Variants in ERC1 observed in about 807,000 individuals in gnomAD.
The protein encoded by ERC1 is RAB6 interacting protein 2.
A neutral mutation model predicts 132.0 loss-of-function variants in ERC1; 56 were observed. The ratio of observed to expected loss-of-function variants is 0.42; its 90% CI spans 0.34 to 0.53. The LOEUF (loss-of-function observed/expected upper bound fraction) is 0.53, where lower values mean the gene tolerates loss of function less well. Among genes scored for constraint, ERC1 ranks in the 20% least tolerant of loss-of-function variants. The probability of loss-of-function intolerance (pLI) is 0.03; values close to 1 mark genes in which losing one functional copy is unlikely to be tolerated. For synonymous variants in ERC1, 478 were observed against 476.1 expected (o/e 1.00, Z -0.05); for missense variants, 1,202 against 1,349.9 (o/e 0.89, Z 1.72).
intron 13 of ERC1, among the ~76,000 whole-genome samples, chr12:1,258,391 G>A (rs1479020307): frequency 6.6e-6 from 1 of 152,222 alleles, no homozygotes; most frequent in Non-Finnish European, 1.5e-5. Context: ...TGTAAAGCAT[G>A]TATTCCAAGC....
At chr12:1,211,785 G>T (rs1957902742) in intron 12 of ERC1, among the ~76,000 whole-genome samples, 1 of 151,282 alleles carries the variant, frequency 6.6e-6, no homozygotes, top group South Asian at 2.1e-4. Context: ...GGCCAGGCTG[G>T]TCTTAAACTC....
rs149021390 is a variant in ERC1 at position 1,169,668 on chromosome 12, C to T, written c.1738-10872C>T. On this transcript the variant is annotated intron_variant, in intron 8 of 18. Transcript: ENST00000360905. ...TTTCAACCCATAAAAGTAGACCTGG[C>T]GAAAATAAAAATTCAATGAGATGAA... 1.4e-3 allele frequency among the ~76,000 whole-genome samples: 216 copies of T among 152,024 alleles called. 3 individuals carry two copies. The highest frequency in any genetic ancestry group is 4.9e-3 in the African/African-American group (202 of 41,478).
chr12:1,069,777 T>TA (rs1352466711), intron 2 of ERC1, among the ~76,000 whole-genome samples: 1 of 152,176 alleles, frequency 6.6e-6, no homozygotes, highest in Non-Finnish European at 1.5e-5. Context: ...ATATTCATAT[T>TA]AAGTGGGATA....
intron 8 of ERC1, among the ~76,000 whole-genome samples, chr12:1,154,173 C>CTT (rs957822151): frequency 6.7e-6 from 1 of 148,766 alleles, no homozygotes; most frequent in Non-Finnish European, 1.5e-5. Context: ...TGATTTCATT[C>CTT]TTTTTTTCAT....
intron 15 of ERC1, among the ~76,000 whole-genome samples, chr12:1,336,081 TTG>T (rs2083287830): frequency 6.6e-6 from 1 of 152,224 alleles, no homozygotes; most frequent in African/African-American, 2.4e-5. Context: ...TAGTGGTTGT[TTG>T]TATTTCTGTG....
intron 3 of ERC1, among the ~76,000 whole-genome samples, chr12:1,094,847 A>G (rs1384749966): frequency 6.6e-6 from 1 of 152,210 alleles, no homozygotes. Context: ...AAGTTAAGAT[A>G]CGAAAAAGTG....
intron 12 of ERC1, among the ~76,000 whole-genome samples, chr12:1,236,106 G>A (rs1190957433): frequency 6.6e-6 from 1 of 151,866 alleles, no homozygotes; most frequent in African/African-American, 2.4e-5. Context: ...TCAAAAACAT[G>A]TAAACTATAA....
At chr12:1,021,521 A>AACCC (rs1322660535) in intron 1 of ERC1, among the ~76,000 whole-genome samples, 2 of 151,132 alleles carry the variant, frequency 1.3e-5, no homozygotes, top group Admixed American at 1.3e-4. Flanking sequence ...AACATGGTGA[A>AACCC]ACCCCGTATC....
chr12:1,477,365 T>C (rs972149047), intron 18 of ERC1, among the ~76,000 whole-genome samples: 1 of 152,140 alleles, frequency 6.6e-6, no homozygotes, highest in Admixed American at 6.5e-5. Flanking sequence ...AAGCTAAAGG[T>C]AAACACATTT....
chr12:1,351,501 G>C (rs2084991308), intron 15 of ERC1, among the ~76,000 whole-genome samples: 1 of 152,074 alleles, frequency 6.6e-6, no homozygotes, highest in Non-Finnish European at 1.5e-5. Context: ...TGTCCATTGT[G>C]GTAAGTGTGT....
At chr12:1,311,618 A>T (rs1309431693) in intron 15 of ERC1, among the ~76,000 whole-genome samples, 1 of 152,166 alleles carries the variant, frequency 6.6e-6, no homozygotes, top group Non-Finnish European at 1.5e-5. Context: ...GTGAAGTGGT[A>T]ATAGTTTTTC....
upstream of ERC1, chr12:990,149 G>T (rs1046876823): frequency 6.6e-6 from 1 of 152,168 alleles, no homozygotes; most frequent in Admixed American, 6.5e-5. Context: ...GGATTATGAG[G>T]CAGTATAAAG....
chr12:1,319,332 CTGTT>C (rs2081968121), intron 15 of ERC1, among the ~76,000 whole-genome samples: 3 of 152,238 alleles, frequency 2.0e-5, no homozygotes, highest in Non-Finnish European at 2.9e-5. Context: ...GTATTTACCT[CTGTT>C]TGTTAGCTTT....
At position 1,083,173 on chromosome 12, in the gene ERC1, A is replaced by G. The variant is rs1942479623; in HGVS notation, c.679A>G (p.Met227Val). The change falls in exon 3 of 19, where the codon ATG becomes GTG. Residue 227 changes from methionine (M) to valine (V), a missense_variant. By Grantham distance (21) the Met-to-Val change is conservative. Transcript: ENST00000360905. ...VVQEENQHMQMTIQALQDELR... is the reference protein window; with the variant it reads ...VVQEENQHMQVTIQALQDELR... Reference sequence around the variant, plus strand: ...TTTGTCTTGGTTCTAGCACATGCAGATGACAATCCAGGCTCTCCAGGATGA... The same window carrying G: ...TTTGTCTTGGTTCTAGCACATGCAGGTGACAATCCAGGCTCTCCAGGATGA... 1 of 1,611,842 alleles carries G rather than the reference A, an allele frequency of 6.2e-7. No homozygotes were observed. Among genetic ancestry groups the G allele is most frequent in the South Asian group, 1.1e-5 (1 of 90,724 alleles).
At chr12:1,385,459 A>G (rs1466247894) in intron 16 of ERC1, among the ~76,000 whole-genome samples, 2 of 151,840 alleles carry the variant, frequency 1.3e-5, no homozygotes, top group Non-Finnish European at 2.9e-5. Context: ...ATTTTCTTGT[A>G]TTTTTAGTAG....
At chr12:1,348,781 A>G (rs1053380383) in intron 15 of ERC1, among the ~76,000 whole-genome samples, 1 of 152,050 alleles carries the variant, frequency 6.6e-6, no homozygotes, top group African/African-American at 2.4e-5. Context: ...CTTAAAATAC[A>G]CGGGTCACCG....
intron 14 of ERC1, among the ~76,000 whole-genome samples, chr12:1,266,381 C>CGTTTCCTGTCT (rs2077479316): frequency 9.2e-6 from 1 of 108,682 alleles, no homozygotes; most frequent in African/African-American, 3.5e-5. Context: ...TTATTTTTAT[C>CGTTTCCTGTCT]GTTTCCTGTC....
At chr12:1,230,355 A>G (rs2074936548) in intron 12 of ERC1, among the ~76,000 whole-genome samples, 1 of 152,120 alleles carries the variant, frequency 6.6e-6, no homozygotes, top group Non-Finnish European at 1.5e-5. Context: ...TGTCAGGAGT[A>G]TATTGTTTAC....
intron 3 of ERC1, among the ~76,000 whole-genome samples, chr12:1,097,766 G>A (rs1234789755): frequency 6.7e-6 from 1 of 150,238 alleles, no homozygotes; most frequent in East Asian, 1.9e-4. Flanking sequence ...CCAAGCTGGA[G>A]TGCAATGTCG....
Sources: gnomAD v4.1 joint callset for allele counts (sites outside exome capture counted in the v4.1 genomes callset) on GRCh38, gnomAD v4.1.1 for gene constraint, MANE v1.5 for transcripts, NCBI Gene and HGNC (gene_info 2026-07-23, HGNC 2026-07-21) for gene names.